The following PCNX4 variants were observed in gnomAD, a reference collection of about 807,000 sequenced individuals.
PCNX4 encodes pecanex 4.
Under a neutral mutation model 107.2 loss-of-function variants are expected in PCNX4, and 103 were observed. That is an observed-to-expected ratio of 0.96 (90% CI 0.82 to 1.13). The LOEUF (loss-of-function observed/expected upper bound fraction) is 1.13, where lower values mean the gene tolerates loss of function less well. Among genes scored for constraint, PCNX4 ranks in the 50% most tolerant of loss-of-function variants. The pLI, the probability that PCNX4 is intolerant of heterozygous loss-of-function variation, is 0.00. For synonymous variants in PCNX4, 541 were observed against 481.7 expected, an observed-to-expected ratio of 1.12 and a Z score of -1.61; for missense variants, 1,528 against 1,379.4, an observed-to-expected ratio of 1.11 and a Z score of -1.71.
chr14:60,106,777 G>C (rs1295274062), intron 1 of PCNX4, among the ~76,000 whole-genome samples: 1 of 152,130 alleles, frequency 6.6e-6, no homozygotes, highest in Non-Finnish European at 1.5e-5. Context: ...TTTAATTTAA[G>C]ATGGCTTTAA....
intron 10 of PCNX4, among the ~76,000 whole-genome samples, chr14:60,128,406 T>C (rs1896094280): frequency 6.6e-6 from 1 of 152,116 alleles, no homozygotes; most frequent in Non-Finnish European, 1.5e-5. Flanking sequence ...TCAGAAGCAA[T>C]GGAGGCCAGA....
intron 7 of PCNX4, among the ~76,000 whole-genome samples, chr14:60,119,675 A>C (rs1440621702): frequency 6.6e-6 from 1 of 152,210 alleles, no homozygotes; most frequent in Non-Finnish European, 1.5e-5. Context: ...TATTTTTTAA[A>C]ACACCTGTGG....
rs1330131610 is a variant in PCNX4, at chr14:60,140,989, A to G, written c.*6768A>G. ...GGCTATGTAAGTGGCCAAATACTGC[A>G]TAGGCAAGGGACAGGGAAAATTAAT... On this transcript the variant is annotated 3_prime_UTR_variant, in exon 11 of 11. Coordinates refer to ENST00000406854, the MANE Select transcript of PCNX4 (RefSeq NM_001330177.2). The surrounding 1 kb of genome is among the most constrained non-coding windows in gnomAD (Gnocchi z 4.2). 2 of 152,350 alleles carry G rather than the reference A, an allele frequency of 1.3e-5. No homozygotes were observed. The highest frequency in any genetic ancestry group is 1.3e-4 in the Admixed American group (2 of 15,312). The allele number at this position is 152,350 out of a possible 1,614,324, so 9.4% of individuals were successfully genotyped here. A position where few individuals can be genotyped will look rare whatever the true frequency, so the allele number is the denominator to read the frequency against.
In PCNX4 at chr14:60,125,056, C is replaced by A; in HGVS notation, c.2885C>A (p.Ala962Asp). The A allele has an allele frequency of 6.2e-7, 1 of 1,613,508 alleles. No homozygotes were observed. Residue 962 changes from alanine to aspartate, a missense_variant, in exon 9 of 11, where the codon GCC becomes GAC. By Grantham distance (126) the Ala-to-Asp change is moderately radical. Transcript: ENST00000406854. ...EKASNVLEEI[A>D]KDKVLKDFYV... is the part of the protein sequence containing the mutation. ...GCCTCAAATGTACTGGAAGAAATTG[C>A]CAAGGACAAAGTTTTAAAAGACTTT...
rs1454959505 is a variant in PCNX4 at position 60,134,653 on chromosome 14, T to A, written c.*432T>A. The A allele has an allele frequency of 6.5e-6, 1 of 153,892 alleles. No individual in the cohort carries two copies. The highest frequency in any genetic ancestry group is 1.4e-5 in the Non-Finnish European group (1 of 69,264). 9.5% of individuals were successfully genotyped at this position (153,892 alleles called of 1,614,324 possible). A position where few individuals can be genotyped will look rare whatever the true frequency, so the allele number is the denominator to read the frequency against. On this transcript the variant is annotated 3_prime_UTR_variant, in exon 11 of 11. Transcript: ENST00000406854. ...TCCTGTTGAAGGTTAACATAATGTGTATATATTTGTTTGAAATATAATTTA... is the reference window on the plus strand; with the variant it reads ...TCCTGTTGAAGGTTAACATAATGTGAATATATTTGTTTGAAATATAATTTA...
intron 8 of PCNX4, among the ~76,000 whole-genome samples, chr14:60,122,143 C>T (rs950568140): frequency 8.5e-5 from 13 of 152,136 alleles, no homozygotes; most frequent in African/African-American, 2.9e-4. Flanking sequence ...TGTATCCCAT[C>T]TCTTTTTACC....
At chr14:60,111,661 A>G (rs1172245576) in intron 2 of PCNX4, among the ~76,000 whole-genome samples, 2 of 152,224 alleles carry the variant, frequency 1.3e-5, no homozygotes, top group African/African-American at 4.8e-5. Context: ...TAATTTTAAA[A>G]AAGAATCTTT....
chr14:60,138,976 A>G lies in PCNX4; in HGVS notation c.*4755A>G, dbSNP rs1305371832. The G allele has an allele frequency of 7.0e-6, 1 of 143,534 alleles. No individual in the cohort carries two copies. Among genetic ancestry groups the G allele is most frequent in the Admixed American group, 6.7e-5 (1 of 14,862 alleles). The allele number at this position is 143,534 out of a possible 1,614,324, so 8.9% of individuals were successfully genotyped here. On this transcript the variant is annotated 3_prime_UTR_variant, in exon 11 of 11. Transcript: ENST00000406854. ...CTGTGTCATCTATAGGGTAACCACT[A>G]AAAGAACAGCAAAAAGCAAAATAAA...
At chr14:60,118,099 G>C (rs1287209992) in intron 6 of PCNX4, among the ~76,000 whole-genome samples, 3 of 148,454 alleles carry the variant, frequency 2.0e-5, no homozygotes, top group African/African-American at 7.6e-5. Flanking sequence ...TACACTGTCA[G>C]CTCTCTTTAG....
chr14:60,137,657 A>G lies in PCNX4; in HGVS notation c.*3436A>G, dbSNP rs1896255139. ...GGACCCAGATAATGAGCTATACAACACAGGGTCTAAAATTACTATGTTTAG... is the reference window on the plus strand; with the variant it reads ...GGACCCAGATAATGAGCTATACAACGCAGGGTCTAAAATTACTATGTTTAG... On this transcript the variant is annotated 3_prime_UTR_variant, in exon 11 of 11. Coordinates refer to ENST00000406854, the MANE Select transcript of PCNX4 (RefSeq NM_001330177.2). The G allele has an allele frequency of 6.6e-6, 1 of 152,372 alleles. No individual in the cohort carries two copies. Among genetic ancestry groups the G allele is most frequent in the Middle Eastern group, 3.4e-3 (1 of 296 alleles). The allele number at this position is 152,372 out of a possible 1,614,324, so 9.4% of individuals were successfully genotyped here. A position where few individuals can be genotyped will look rare whatever the true frequency, so the allele number is the denominator to read the frequency against.
intron 1 of PCNX4, among the ~76,000 whole-genome samples, chr14:60,102,051 T>C (rs757876920): frequency 1.5e-4 from 23 of 152,198 alleles, no homozygotes; most frequent in African/African-American, 2.9e-4. Context: ...AGTAGAATGG[T>C]GATTGCCAGA....
Position 60,108,188 on chromosome 14 carries a change from CTATGTA to C in PCNX4, c.553_558del (p.Cys185_Ile186del). The C allele has an allele frequency of 6.2e-7, 1 of 1,612,810 alleles. No individual in the cohort carries two copies. Among genetic ancestry groups the C allele is most frequent in the South Asian group, 1.1e-5 (1 of 91,082 alleles). ...ACTATTCTTCTTTGGATGGATGACA[CTATGTA>C]TAGCAGAATATTCTTTAATTGTAAA... On this transcript the variant is annotated inframe_deletion, in exon 2 of 11. Transcript: ENST00000406854.
At chr14:60,133,891 T>A (rs1896199216) in intron 10 of PCNX4, 79 bp from the exon 11 acceptor site, 1 of 1,394,120 alleles carries the variant, frequency 7.2e-7, no homozygotes, top group South Asian at 1.4e-5. Context: ...AATTTTTCTC[T>A]AAGTTTATGA....
At chr14:60,103,849 G>C (rs1895578958) in intron 1 of PCNX4, among the ~76,000 whole-genome samples, 1 of 152,262 alleles carries the variant, frequency 6.6e-6, no homozygotes, top group African/African-American at 2.4e-5. Context: ...TCCTGCTCCT[G>C]TGTTGCTTTG....
At chr14:60,101,261 G>A (rs1355022891) in intron 1 of PCNX4, among the ~76,000 whole-genome samples, 4 of 152,122 alleles carry the variant, frequency 2.6e-5, no homozygotes. Flanking sequence ...AAACTAAGCT[G>A]TACCTTAGCC....
At position 60,136,990 on chromosome 14, in the gene PCNX4, T is replaced by C. The variant is rs1896248039; in HGVS notation, c.*2769T>C. 1 of 152,412 alleles carries C rather than the reference T, an allele frequency of 6.6e-6. No homozygotes were observed. The highest frequency in any genetic ancestry group is 1.5e-5 in the Non-Finnish European group (1 of 68,026). 9.4% of individuals were successfully genotyped at this position (152,412 alleles called of 1,614,324 possible). On this transcript the variant is annotated 3_prime_UTR_variant, in exon 11 of 11. Transcript: ENST00000406854. ...TTGGACTAACACTAACGTTACTGAA[T>C]TTTCCCTAAAACCTACTTTTCTACT...
chr14:60,144,087 A>G lies in PCNX4; in HGVS notation c.*9866A>G, dbSNP rs546142403. ...CTATCTTAGTGGGCTGTTATGAGGA[A>G]TGAGTTAATTAACTAATACTAAGCA... is the stretch of plus-strand genomic sequence containing the variant. On this transcript the variant is annotated 3_prime_UTR_variant, in exon 11 of 11. Transcript: ENST00000406854. 1 of 152,296 alleles carries G rather than the reference A, an allele frequency of 6.6e-6. No individual in the cohort carries two copies. Among genetic ancestry groups the G allele is most frequent in the African/African-American group, 2.4e-5 (1 of 41,562 alleles). The allele number at this position is 152,296 out of a possible 1,614,324, so 9.4% of individuals were successfully genotyped here. A position where few individuals can be genotyped will look rare whatever the true frequency, so the allele number is the denominator to read the frequency against.
rs1896302848 is a variant in PCNX4 at position 60,141,248 on chromosome 14, A to C, written c.*7027A>C. The stretch of plus-strand genomic sequence containing the variant: ...GTTCCCACCACAAGAAACAAGAAAA[A>C]GAATAGCAAAATAAGCCCAAAGCAG... On this transcript the variant is annotated 3_prime_UTR_variant, in exon 11 of 11. Transcript: ENST00000406854. 1 of 152,228 alleles carries C rather than the reference A, an allele frequency of 6.6e-6. No homozygotes were observed. Among genetic ancestry groups the C allele is most frequent in the Non-Finnish European group, 1.5e-5 (1 of 68,052 alleles). 9.4% of individuals were successfully genotyped at this position (152,228 alleles called of 1,614,324 possible).
chr14:60,098,360 G>C (rs1188286302), intron 1 of PCNX4, among the ~76,000 whole-genome samples: 1 of 152,188 alleles, frequency 6.6e-6, no homozygotes, highest in African/African-American at 2.4e-5. Flanking sequence ...GCCTCTCTCA[G>C]GTTTATTCTC....
Sources: gnomAD v4.1 joint callset for allele counts (sites outside exome capture counted in the v4.1 genomes callset) on GRCh38, gnomAD v4.1.1 for gene constraint, Gnocchi (gnomAD v3.1) non-coding constraint, MANE v1.5 for transcripts, NCBI Gene and HGNC (gene_info 2026-07-23, HGNC 2026-07-21) for gene names.